Variants in RBFOX1 observed in about 807,000 individuals in gnomAD.
The protein encoded by RBFOX1 is RNA binding fox-1 homolog 1, also known as RNA binding protein fox-1 homolog 1.
In RBFOX1, 8 loss-of-function variants were observed where a neutral mutation model predicts 57.7. That is an observed-to-expected ratio of 0.14 (90% CI 0.08 to 0.25). The LOEUF (loss-of-function observed/expected upper bound fraction) is 0.25. Ranked by LOEUF, RBFOX1 falls within the 10% of genes least tolerant of loss-of-function variation. The pLI is 1.00. For synonymous variants in RBFOX1, 326 were observed against 222.4 expected, an observed-to-expected ratio of 1.47 and a Z score of -4.15; for missense variants, 611 against 548.5, an observed-to-expected ratio of 1.11 and a Z score of -1.14.
chr16:6,691,658 A>C (rs138719098), intron 3 of RBFOX1, among the ~76,000 whole-genome samples: 291 of 152,314 alleles, frequency 1.9e-3, no homozygotes, highest in African/African-American at 6.7e-3. Context: ...TAAAATGACC[A>C]TGGCAGGTAG....
intron 3 of RBFOX1, among the ~76,000 whole-genome samples, chr16:6,975,971 A>T (rs1302798132): frequency 1.3e-5 from 2 of 152,102 alleles, no homozygotes; most frequent in African/African-American, 4.8e-5. Flanking sequence ...ACTAAAAAAT[A>T]CAAAAATTAG....
At chr16:5,369,989 C>T (rs962008153) in intron 1 of RBFOX1, among the ~76,000 whole-genome samples, 2 of 152,114 alleles carry the variant, frequency 1.3e-5, no homozygotes, top group African/African-American at 4.8e-5. Context: ...CAGTACTGCC[C>T]TGGATGGAGA....
intron 3 of RBFOX1, among the ~76,000 whole-genome samples, chr16:5,731,686 CT>C (rs1469396941): frequency 1.3e-5 from 2 of 152,154 alleles, no homozygotes; most frequent in Non-Finnish European, 2.9e-5. Context: ...GAAATCCCCC[CT>C]GGATGTCCAT....
intron 4 of RBFOX1, among the ~76,000 whole-genome samples, chr16:7,100,973 A>T (rs549269037): frequency 6.6e-6 from 1 of 152,306 alleles, no homozygotes; most frequent in Admixed American, 6.5e-5. Context: ...ATCAAGGATT[A>T]TTTTTTGAGG....
At chr16:5,294,503 A>G (rs914187218) in intron 1 of RBFOX1, among the ~76,000 whole-genome samples, 4 of 152,086 alleles carry the variant, frequency 2.6e-5, no homozygotes, top group African/African-American at 7.2e-5. Flanking sequence ...CAGTCTAACA[A>G]CCGGCTGCCT....
chr16:6,139,583 T>C (rs1411718864), intron 1 of RBFOX1, among the ~76,000 whole-genome samples: 2 of 152,202 alleles, frequency 1.3e-5, no homozygotes, highest in Non-Finnish European at 1.5e-5. Flanking sequence ...AAAAACACAA[T>C]GAAGAAATGG....
At chr16:7,491,187 A>G (rs1344580164) in intron 4 of RBFOX1, among the ~76,000 whole-genome samples, 1 of 151,720 alleles carries the variant, frequency 6.6e-6, no homozygotes, top group Non-Finnish European at 1.5e-5. Context: ...TCAACCACCC[A>G]CTTACCCATC....
At chr16:6,706,214 G>T (rs2062717377) in intron 3 of RBFOX1, among the ~76,000 whole-genome samples, 1 of 152,118 alleles carries the variant, frequency 6.6e-6, no homozygotes, top group Admixed American at 6.5e-5. Flanking sequence ...CTCTCCTTAG[G>T]TTCACAACAG....
intron 4 of RBFOX1, among the ~76,000 whole-genome samples, chr16:7,389,230 G>T (rs1484995300): frequency 6.6e-6 from 1 of 152,092 alleles, no homozygotes; most frequent in African/African-American, 2.4e-5. Flanking sequence ...AGGCTTAGAT[G>T]ATCCTGTACC....
intron 1 of RBFOX1, among the ~76,000 whole-genome samples, chr16:5,251,074 G>A (rs2062437579): frequency 1.3e-5 from 2 of 152,004 alleles, no homozygotes; most frequent in African/African-American, 4.8e-5. Context: ...CGGTGTCCTG[G>A]GGTGGGGGGG....
At chr16:6,081,051 A>C (rs57195796) in intron 1 of RBFOX1, among the ~76,000 whole-genome samples, 2,955 of 152,260 alleles carry the variant, frequency 0.019, 112 homozygotes, top group African/African-American at 0.066. Flanking sequence ...TGTGAGGTTG[A>C]TTGGTCTAAT....
chr16:6,297,035 G>A (rs553041573), intron 1 of RBFOX1, among the ~76,000 whole-genome samples: 1 of 152,270 alleles, frequency 6.6e-6, no homozygotes, highest in Admixed American at 6.5e-5. Flanking sequence ...GGTTATTCAT[G>A]CCTCCCCTTT....
chr16:7,035,962 A>G (rs2044286016), intron 3 of RBFOX1, among the ~76,000 whole-genome samples: 1 of 152,174 alleles, frequency 6.6e-6, no homozygotes, highest in Non-Finnish European at 1.5e-5. Context: ...GAACTGGAAA[A>G]TTAGAAAATG....
intron 1 of RBFOX1, among the ~76,000 whole-genome samples, chr16:6,068,213 G>A (rs2095791881): frequency 1.3e-5 from 2 of 152,164 alleles, no homozygotes; most frequent in African/African-American, 4.8e-5. Flanking sequence ...CTGGCTTGTG[G>A]TCCAGTGCAA....
At chr16:6,855,859 CTTT>C (rs1321766807) in intron 3 of RBFOX1, among the ~76,000 whole-genome samples, 4 of 49,832 alleles carry the variant, frequency 8.0e-5, no homozygotes, top group South Asian at 8.0e-4. Flanking sequence ...CCCTCCCTTC[CTTT>C]CTTCCCTGCT....
chr16:6,694,335 T>C (rs2060700003), intron 3 of RBFOX1, among the ~76,000 whole-genome samples: 1 of 152,222 alleles, frequency 6.6e-6, no homozygotes. Flanking sequence ...ATCTGGCATT[T>C]GGAGTTGGCG....
rs932439939 is a variant in RBFOX1, at chr16:6,807,914, G to GTATATATATA, written c.-16+153267_-16+153276dup. Among the ~76,000 whole-genome samples the GTATATATATA allele has an allele frequency of 3.7e-3, 487 of 132,156 alleles. 3 individuals are homozygous for GTATATATATA. The highest frequency in any genetic ancestry group is 0.012 in the African/African-American group (442 of 36,364). 86.7% of individuals were successfully genotyped at this position (132,156 alleles called of 152,430 possible). ...TATATTATTGTGTGTGTGTGTGTGTGTATATATATATAGGGTATAATATGC... is the reference window on the plus strand; with the variant it reads ...TATATTATTGTGTGTGTGTGTGTGTGTATATATATATATATATATATAGGGTATAATATGC... On this transcript the variant is annotated intron_variant, in intron 3 of 15. Coordinates refer to ENST00000550418, the MANE Select transcript of RBFOX1 (RefSeq NM_018723.4).
chr16:7,097,270 G>A (rs545430192), intron 4 of RBFOX1, among the ~76,000 whole-genome samples: 7 of 152,208 alleles, frequency 4.6e-5, no homozygotes, highest in Admixed American at 2.0e-4. Flanking sequence ...CATTGTGTAC[G>A]TGGAAATTCC....
chr16:6,808,784 T>C (rs535703825), intron 3 of RBFOX1, among the ~76,000 whole-genome samples: 3 of 152,272 alleles, frequency 2.0e-5, no homozygotes, highest in African/African-American at 2.4e-5. Flanking sequence ...TAACTGTATC[T>C]GTGTCTTCTC....
Sources: gnomAD v4.1 joint callset for allele counts (sites outside exome capture counted in the v4.1 genomes callset) on GRCh38, gnomAD v4.1.1 for gene constraint, MANE v1.5 for transcripts, NCBI Gene and HGNC (gene_info 2026-07-23, HGNC 2026-07-21) for gene names.